PID1: variants seen among roughly 807,000 people sequenced by gnomAD.
The protein encoded by PID1 is PTB-containing, cubilin and LRP1-interacting protein.
PID1 carries 10 observed loss-of-function variants against 19.1 expected under a neutral mutation model. The observed-to-expected ratio is 0.52, with a 90% CI of 0.32 to 0.89. PID1 has a LOEUF of 0.89. PID1 is among the 40% of genes least tolerant of loss of function. The pLI is 0.03. For synonymous variants in PID1, 130 were observed against 116.0 expected (o/e 1.12, Z -0.78); for missense variants, 248 against 285.3 (o/e 0.87, Z 0.94).
At chr2:229,107,931 A>T (rs1695211759) in intron 2 of PID1, among the ~76,000 whole-genome samples, 1 of 152,228 alleles carries the variant, frequency 6.6e-6, no homozygotes, top group African/African-American at 2.4e-5. Flanking sequence ...TAAAGCATTT[A>T]CGAGACAACT....
At chr2:229,204,237 G>A (rs1452831734) in intron 1 of PID1, among the ~76,000 whole-genome samples, 2 of 152,032 alleles carry the variant, frequency 1.3e-5, no homozygotes, top group South Asian at 2.1e-4. Flanking sequence ...TTTATAGAGA[G>A]CGTGACAAGC....
intron 2 of PID1, among the ~76,000 whole-genome samples, chr2:229,083,409 A>T (rs993941395): frequency 2.6e-5 from 4 of 152,202 alleles, no homozygotes; most frequent in African/African-American, 7.2e-5. Flanking sequence ...TTTAAGATCT[A>T]ATGTTACTAG....
At chr2:229,210,422 C>T (rs1220447995) in intron 1 of PID1, among the ~76,000 whole-genome samples, 1 of 47,352 alleles carries the variant, frequency 2.1e-5, no homozygotes, top group East Asian at 3.4e-3. Context: ...GTGAGGCAGG[C>T]AGCAGAATGG....
chr2:229,106,048 C>T lies in PID1; in HGVS notation c.177+49770G>A, dbSNP rs1574632781. Among the ~76,000 whole-genome samples the T allele has an allele frequency of 6.1e-5, 8 of 131,008 alleles. No homozygotes were observed. In the Admixed American group the frequency reaches 7.3e-4, roughly 12 times the overall value. 85.9% of individuals were successfully genotyped at this position (131,008 alleles called of 152,430 possible). On this transcript the variant is annotated intron_variant, in intron 2 of 2. Coordinates refer to ENST00000392055, the MANE Select transcript of PID1 (RefSeq NM_001100818.2). Reference sequence around the variant, plus strand: ...GAGCTGAGATTGCGCCACTGCATTCCAAGCCTGGGCAACAGAGCGAGATTC... The same window carrying T: ...GAGCTGAGATTGCGCCACTGCATTCTAAGCCTGGGCAACAGAGCGAGATTC...
At chr2:229,111,213 T>C (rs1321049500) in intron 2 of PID1, among the ~76,000 whole-genome samples, 1 of 152,150 alleles carries the variant, frequency 6.6e-6, no homozygotes, top group Non-Finnish European at 1.5e-5. Flanking sequence ...ATGTCTTTAT[T>C]AGCAGTGAGA....
chr2:229,072,119 A>G (rs1215174457), intron 2 of PID1, among the ~76,000 whole-genome samples: 3 of 152,224 alleles, frequency 2.0e-5, no homozygotes, highest in Non-Finnish European at 4.4e-5. Context: ...TTAGTCCATC[A>G]ATCTGAACCA....
At chr2:229,129,489 C>T (rs1394436464) in intron 2 of PID1, among the ~76,000 whole-genome samples, 1 of 151,688 alleles carries the variant, frequency 6.6e-6, no homozygotes, top group Non-Finnish European at 1.5e-5. Flanking sequence ...TACTTTTACA[C>T]ACCCAAACCT....
chr2:229,164,214 T>C (rs1360537696), intron 1 of PID1, among the ~76,000 whole-genome samples: 2 of 152,292 alleles, frequency 1.3e-5, no homozygotes, highest in African/African-American at 4.8e-5. Context: ...CATACATTAC[T>C]TGCTTGTCCC....
chr2:229,182,756 A>T (rs139581287), intron 1 of PID1, among the ~76,000 whole-genome samples: 82 of 152,284 alleles, frequency 5.4e-4, no homozygotes, highest in African/African-American at 2.0e-3. Flanking sequence ...CAACCATGTA[A>T]AACTCACTTT....
intron 2 of PID1, among the ~76,000 whole-genome samples, chr2:229,076,048 A>G (rs1209289057): frequency 6.6e-6 from 1 of 152,224 alleles, no homozygotes; most frequent in Non-Finnish European, 1.5e-5. Flanking sequence ...GGTGTTCCAT[A>G]GACTACCTAA....
rs530206277 is a variant in PID1 at position 229,026,080 on chromosome 2, G to A, written c.206C>T (p.Thr69Ile). 5 of 1,614,104 alleles carry A rather than the reference G, an allele frequency of 3.1e-6. No homozygotes were observed. In the East Asian group the frequency reaches 6.7e-5, roughly 22 times the overall value. ...KVTYLGKVST[T>I]GMQFLSGCTE... ...GCAGCCTGACAAAAACTGCATGCCAGTGGTGGAGACTTTGCCCAGGTAGGT... is the reference window on the plus strand; with the variant it reads ...GCAGCCTGACAAAAACTGCATGCCAATGGTGGAGACTTTGCCCAGGTAGGT... Residue 69 changes from threonine to isoleucine, a missense_variant, in exon 3 of 3, where the codon ACT becomes ATT. Coordinates refer to ENST00000392055, the MANE Select transcript of PID1 (RefSeq NM_001100818.2).
intron 2 of PID1, among the ~76,000 whole-genome samples, chr2:229,044,557 T>C (rs750991643): frequency 1.3e-5 from 2 of 152,230 alleles, no homozygotes; most frequent in African/African-American, 2.4e-5. Flanking sequence ...CACTAGTGAT[T>C]TGATACTGAA....
At chr2:229,040,493 T>C (rs1693750930) in intron 2 of PID1, among the ~76,000 whole-genome samples, 2 of 152,132 alleles carry the variant, frequency 1.3e-5, no homozygotes, top group African/African-American at 4.8e-5. Context: ...ATAATGGGGA[T>C]GTGGGAATGG....
At chr2:229,161,241 G>A (rs926912160) in intron 1 of PID1, among the ~76,000 whole-genome samples, 3 of 152,116 alleles carry the variant, frequency 2.0e-5, no homozygotes, top group African/African-American at 4.8e-5. Flanking sequence ...CTTCCCAATC[G>A]AAGTCAGCCT....
intron 1 of PID1, among the ~76,000 whole-genome samples, chr2:229,195,158 T>TTATTTA (rs375077323): frequency 0.013 from 1,940 of 152,018 alleles, 46 homozygotes; most frequent in African/African-American, 0.045. Flanking sequence ...TGCTTTAATT[T>TTATTTA]TAATTATGGA....
intron 2 of PID1, among the ~76,000 whole-genome samples, chr2:229,052,452 A>T (rs1694014736): frequency 6.6e-6 from 1 of 152,182 alleles, no homozygotes; most frequent in Admixed American, 6.5e-5. Context: ...TTTCATAGTA[A>T]GTTTTTACTG....
intron 2 of PID1, among the ~76,000 whole-genome samples, chr2:229,136,086 C>T (rs1689853105): frequency 6.6e-6 from 1 of 152,176 alleles, no homozygotes; most frequent in East Asian, 1.9e-4. Context: ...CTCACTCTTG[C>T]TGTCTCACTT....
At chr2:229,173,137 C>T (rs1690745400) in intron 1 of PID1, among the ~76,000 whole-genome samples, 1 of 152,178 alleles carries the variant, frequency 6.6e-6, no homozygotes. Flanking sequence ...GATATTTCAC[C>T]AGCCACTGCC....
At chr2:229,078,837 C>A (rs1341875658) in intron 2 of PID1, among the ~76,000 whole-genome samples, 2 of 151,922 alleles carry the variant, frequency 1.3e-5, no homozygotes, top group Non-Finnish European at 2.9e-5. Flanking sequence ...CTGAATCCTG[C>A]TTTTTCTTCC....
Sources: allele counts gnomAD v4.1 joint callset (sites outside exome capture counted in the v4.1 genomes callset), GRCh38; gene constraint gnomAD v4.1.1; transcripts MANE v1.5; gene names NCBI Gene and HGNC (gene_info 2026-07-23, HGNC 2026-07-21).